Variants in GPC5 observed in about 807,000 individuals in gnomAD.
GPC5 encodes glypican-5.
GPC5 carries 47 observed loss-of-function variants against 53.9 expected under a neutral mutation model. The observed-to-expected ratio is 0.87, with a 90% CI of 0.69 to 1.11. GPC5 has a LOEUF of 1.11. GPC5 is among the 50% of genes most tolerant of loss of function. GPC5 has a pLI of 0.00. For missense variants in GPC5, 748 were observed against 713.1 expected (o/e 1.05, Z -0.56); for synonymous variants, 286 against 263.3 (o/e 1.09, Z -0.84).
chr13:92,847,600 A>AT (rs1878654512), intron 7 of GPC5, among the ~76,000 whole-genome samples: 3 of 150,954 alleles, frequency 2.0e-5, no homozygotes, highest in Non-Finnish European at 4.4e-5. Context: ...AGTGCTGTAC[A>AT]GCCTGGGGAA....
At chr13:91,716,795 A>G (rs2036347653) in intron 3 of GPC5, among the ~76,000 whole-genome samples, 1 of 152,202 alleles carries the variant, frequency 6.6e-6, no homozygotes, top group Non-Finnish European at 1.5e-5. Context: ...GGAAGGCATG[A>G]TATTATATTT....
rs80123640 is a variant in GPC5, at chr13:92,102,572, G to C, written c.1402-42258G>C. 8.7e-4 allele frequency among the ~76,000 whole-genome samples: 132 copies of C among 152,276 alleles called. 2 individuals are homozygous for C. In the East Asian group the frequency reaches 0.022, roughly 25 times the overall value. On this transcript the variant is annotated intron_variant, in intron 6 of 7. Coordinates refer to ENST00000377067, the MANE Select transcript of GPC5 (RefSeq NM_004466.6). Reference sequence around the variant, plus strand: ...TAAAATGAGAGGAAGCAACATTAGAGAAGTAGAGGTTGAAAATATAGGAAG... The same window carrying C: ...TAAAATGAGAGGAAGCAACATTAGACAAGTAGAGGTTGAAAATATAGGAAG...
At chr13:92,189,000 CA>C (rs2042203716) in intron 7 of GPC5, among the ~76,000 whole-genome samples, 1 of 152,288 alleles carries the variant, frequency 6.6e-6, no homozygotes, top group Non-Finnish European at 1.5e-5. Context: ...GCTGAAAGCA[CA>C]ACAGGAACTG....
intron 1 of GPC5, among the ~76,000 whole-genome samples, chr13:91,410,625 C>G (rs1055229025): frequency 2.0e-5 from 3 of 151,916 alleles, no homozygotes; most frequent in Non-Finnish European, 4.4e-5. Context: ...GGATTACAGG[C>G]GTGAGCCACT....
intron 6 of GPC5, among the ~76,000 whole-genome samples, chr13:91,971,325 T>C (rs1040773213): frequency 3.5e-4 from 53 of 152,134 alleles, no homozygotes; most frequent in Middle Eastern, 3.4e-3. Flanking sequence ...CCCTTTATCA[T>C]TTTTTATTGC....
rs143771785 is a variant in GPC5, at chr13:92,856,940, T to C, written c.1562-9342T>C. 1.3e-3 allele frequency among the ~76,000 whole-genome samples: 204 copies of C among 151,872 alleles called. 5 individuals carry two copies. Among genetic ancestry groups the C allele is most frequent in the East Asian group, 3.5e-3 (18 of 5,148 alleles). On this transcript the variant is annotated intron_variant, in intron 7 of 7. Coordinates refer to ENST00000377067, the MANE Select transcript of GPC5 (RefSeq NM_004466.6). ...TAGATTCAATGCTACTCCTATCAAATGACCAATGTCATTTTTCACAGAATT... is the reference window on the plus strand; with the variant it reads ...TAGATTCAATGCTACTCCTATCAAACGACCAATGTCATTTTTCACAGAATT...
intron 2 of GPC5, among the ~76,000 whole-genome samples, chr13:91,572,213 G>A (rs545820836): frequency 0.22 from 18,885 of 84,420 alleles, 2,797 homozygotes; most frequent in South Asian, 0.33. Flanking sequence ...ATATATACGT[G>A]TATATATATA....
At chr13:91,721,724 C>T (rs1265764082) in intron 3 of GPC5, among the ~76,000 whole-genome samples, 1 of 152,128 alleles carries the variant, frequency 6.6e-6, no homozygotes, top group Non-Finnish European at 1.5e-5. Context: ...GTTCTCTCTG[C>T]ATATAAAGTT....
At chr13:91,666,494 T>C (rs941696597) in intron 2 of GPC5, among the ~76,000 whole-genome samples, 3 of 152,176 alleles carry the variant, frequency 2.0e-5, no homozygotes. Context: ...GGGAATATTC[T>C]TAAATATTTG....
intron 7 of GPC5, among the ~76,000 whole-genome samples, chr13:92,274,881 G>A (rs1230769242): frequency 1.3e-5 from 2 of 150,222 alleles, no homozygotes; most frequent in Non-Finnish European, 3.0e-5. Context: ...TACACAAGGT[G>A]GGGAACATTG....
intron 7 of GPC5, among the ~76,000 whole-genome samples, chr13:92,522,750 T>C (rs990921214): frequency 1.3e-5 from 2 of 152,094 alleles, no homozygotes; most frequent in Admixed American, 1.3e-4. Context: ...ACATGTACCC[T>C]AGAACTTAAA....
intron 5 of GPC5, among the ~76,000 whole-genome samples, chr13:91,763,635 T>A (rs1057339027): frequency 6.6e-6 from 1 of 152,206 alleles, no homozygotes. Context: ...TGGCTGATGG[T>A]TTGAAATCAA....
intron 7 of GPC5, among the ~76,000 whole-genome samples, chr13:92,292,553 G>A (rs569522426): frequency 1.3e-5 from 2 of 152,040 alleles, no homozygotes; most frequent in East Asian, 1.9e-4. Flanking sequence ...TGAGTTCATT[G>A]TAGATTCTAG....
chr13:91,549,201 G>A (rs1274203128), intron 2 of GPC5, among the ~76,000 whole-genome samples: 4 of 151,762 alleles, frequency 2.6e-5, no homozygotes, highest in African/African-American at 9.7e-5. Flanking sequence ...CCCAGGAGGT[G>A]GAGATTGCAG....
intron 7 of GPC5, among the ~76,000 whole-genome samples, chr13:92,633,769 A>G (rs1345386658): frequency 6.6e-6 from 1 of 152,114 alleles, no homozygotes; most frequent in East Asian, 1.9e-4. Context: ...AAAAATTACT[A>G]ATGGCTTTAA....
chr13:91,767,592 T>G (rs944709869), intron 5 of GPC5, among the ~76,000 whole-genome samples: 1 of 152,172 alleles, frequency 6.6e-6, no homozygotes, highest in African/African-American at 2.4e-5. Flanking sequence ...CTTTATCCAC[T>G]GAGTTCCCAA....
At chr13:92,555,499 C>T (rs1158069589) in intron 7 of GPC5, among the ~76,000 whole-genome samples, 1 of 150,924 alleles carries the variant, frequency 6.6e-6, no homozygotes, top group Non-Finnish European at 1.5e-5. Context: ...GCAACAAAAA[C>T]CTACTTAATT....
chr13:91,947,601 T>C (rs2039985569), intron 6 of GPC5, among the ~76,000 whole-genome samples: 1 of 152,186 alleles, frequency 6.6e-6, no homozygotes, highest in African/African-American at 2.4e-5. Context: ...GACAAGCTCA[T>C]ATAATTCTTG....
chr13:92,681,745 A>G (rs1887117039), intron 7 of GPC5, among the ~76,000 whole-genome samples: 3 of 151,992 alleles, frequency 2.0e-5, no homozygotes, highest in South Asian at 4.1e-4. Context: ...TCATCTCTTC[A>G]TACTTAAATT....
Sources: allele counts gnomAD v4.1 joint callset (sites outside exome capture counted in the v4.1 genomes callset), GRCh38; gene constraint gnomAD v4.1.1; transcripts MANE v1.5; gene names NCBI Gene and HGNC (gene_info 2026-07-23, HGNC 2026-07-21).